Variants in PLEKHH1 observed in about 807,000 individuals in gnomAD.
PLEKHH1 encodes pleckstrin homology, MyTH4 and FERM domain containing H1.
Under a neutral mutation model 160.0 loss-of-function variants are expected in PLEKHH1, and 104 were observed. The ratio of observed to expected loss-of-function variants is 0.65; its 90% CI spans 0.55 to 0.76. The LOEUF is 0.76. Among genes scored for constraint, PLEKHH1 ranks in the 30% least tolerant of loss-of-function variants. The probability of loss-of-function intolerance (pLI) is 0.00; values close to 1 mark genes in which losing one functional copy is unlikely to be tolerated. For missense variants in PLEKHH1, 1,427 were observed against 1,724.1 expected, an observed-to-expected ratio of 0.83 and a Z score of 3.05; for synonymous variants, 619 against 678.4, an observed-to-expected ratio of 0.91 and a Z score of 1.36.
chr14:67,572,401 G>C (rs1486295704), intron 11 of PLEKHH1, 124 bp downstream of exon 11: 1 of 666,398 alleles, frequency 1.5e-6, no homozygotes, highest in Non-Finnish European at 2.4e-6. Context: ...GGGGGATGGG[G>C]GCAGGGGGCG....
Position 67,589,479 on chromosome 14 carries a change from T to C in PLEKHH1, c.*2244T>C, listed in dbSNP as rs1195288737. ...AAAAGTATTAATGTGCTTGACACCA[T>C]GACTGAAATACTATGATCTTGTTTG... is the stretch of plus-strand genomic sequence containing the variant. On this transcript the variant is annotated 3_prime_UTR_variant, in exon 29 of 29. Transcript: ENST00000329153. 1 of 985,138 alleles carries C rather than the reference T, an allele frequency of 1.0e-6. No individual in the cohort carries two copies. The highest frequency in any genetic ancestry group is 1.2e-6 in the Non-Finnish European group (1 of 829,624). 61.0% of individuals were successfully genotyped at this position (985,138 alleles called of 1,614,324 possible). A position where few individuals can be genotyped will look rare whatever the true frequency, so the allele number is the denominator to read the frequency against.
At chr14:67,577,204 C>A in intron 17 of PLEKHH1, 98 bp from the exon 18 acceptor site, 1 of 791,128 alleles carries the variant, frequency 1.3e-6, no homozygotes, top group Non-Finnish European at 2.1e-6. Context: ...GGAAGATAAA[C>A]CACTATCTTC....
chr14:67,577,910 G>C, intron 18 of PLEKHH1, 113 bp from the exon 19 acceptor site: 1 of 888,514 alleles, frequency 1.1e-6, no homozygotes, highest in Non-Finnish European at 1.7e-6. Context: ...CTCTTAGAAA[G>C]GGCTGTCAGT....
rs756666973 is a variant in PLEKHH1, at chr14:67,587,051, T to C, written c.3934-23T>C. On this transcript the variant is annotated intron_variant, in intron 28 of 28. Transcript: ENST00000329153. The stretch of plus-strand genomic sequence containing the variant: ...TCAAGCCAAGGCTAGTTCAATTCCT[T>C]CACATCTCTGACCTCCTCTTAGATT... 3.8e-6 allele frequency: 6 copies of C among 1,563,910 alleles called. No homozygotes were observed. The African/African-American group carries it at 4.1e-5, about 11-fold the overall frequency.
At chr14:67,537,698 T>C (rs939926894) in intron 1 of PLEKHH1, among the ~76,000 whole-genome samples, 20 of 152,168 alleles carry the variant, frequency 1.3e-4, no homozygotes, top group Admixed American at 2.0e-4. Flanking sequence ...TCTTAGCATT[T>C]TGTCAGTTTC....
At chr14:67,558,463 T>C (rs960161719) in intron 4 of PLEKHH1, among the ~76,000 whole-genome samples, 1 of 152,184 alleles carries the variant, frequency 6.6e-6, no homozygotes, top group Non-Finnish European at 1.5e-5. Flanking sequence ...TTTTGACACA[T>C]GGAATCTCTG....
At chr14:67,563,903 GTT>G (rs71129836) in intron 7 of PLEKHH1, among the ~76,000 whole-genome samples, 53 of 135,460 alleles carry the variant, frequency 3.9e-4, no homozygotes, top group Middle Eastern at 3.6e-3. Context: ...CCGGCTAACT[GTT>G]TTTTTTTTTT....
At position 67,571,709 on chromosome 14, in the gene PLEKHH1, T is replaced by C. The variant is rs186544305; in HGVS notation, c.1435-43T>C. On this transcript the variant is annotated intron_variant, in intron 9 of 28. Transcript: ENST00000329153. ...AAGCTGCAGGGTTGGGAGAGGACTG[T>C]TTTGCAGCCTGAGCTGCAGTGAGGG... The C allele has an allele frequency of 2.5e-4, 401 of 1,596,334 alleles. 3 individuals carry two copies. In the East Asian group the frequency reaches 8.6e-3, roughly 34 times the overall value.
intron 26 of PLEKHH1, 35 bp from the exon 27 acceptor site, chr14:67,585,533 T>C (rs562801577): frequency 7.3e-7 from 1 of 1,375,892 alleles, no homozygotes; most frequent in East Asian, 2.5e-5. Context: ...TCTCTAACTA[T>C]GGATATATCT....
At chr14:67,570,735 A>T (rs1318078602) in intron 9 of PLEKHH1, 1 of 150,392 alleles carries the variant, frequency 6.6e-6, no homozygotes, top group Non-Finnish European at 1.5e-5. Context: ...CCTCCTTTTT[A>T]TTTTTCCGAG....
At position 67,581,981 on chromosome 14, in the gene PLEKHH1, T is replaced by C. The variant is rs926018344; in HGVS notation, c.3285-88T>C. On this transcript the variant is annotated intron_variant, in intron 23 of 28. Coordinates refer to ENST00000329153, the MANE Select transcript of PLEKHH1 (RefSeq NM_020715.3). ...AGTGGGAAAAGAGTACTTTATCTTT[T>C]TGGAAATAAAGGTAACAGACCCAGA... 4.6e-6 allele frequency: 6 copies of C among 1,308,828 alleles called. No homozygotes were observed. In the Admixed American group the frequency reaches 7.0e-5, roughly 15 times the overall value. 81.1% of individuals were successfully genotyped at this position (1,308,828 alleles called of 1,614,324 possible).
rs543975791 is a variant in PLEKHH1 at position 67,553,466 on chromosome 14, A to T, written c.127-2359A>T. On this transcript the variant is annotated intron_variant, in intron 2 of 28. Transcript: ENST00000329153. ...TGGGGCAGCTCACAGAACTGAAGGA[A>T]CTATCCAGCAATCATGACTTGGTGA... 1.2e-4 allele frequency among the ~76,000 whole-genome samples: 19 copies of T among 152,280 alleles called. 1 individual carries two copies. The South Asian group carries it at 3.5e-3, about 28-fold the overall frequency.
Position 67,587,467 on chromosome 14 carries a change from TAAG to T in PLEKHH1, c.*235_*237del. ...TTAAAACCATTTATTCCTTTTTTCATAAGAATAATGACTCCAGATGCTACCTGA... is the reference window on the plus strand; with the variant it reads ...TTAAAACCATTTATTCCTTTTTTCATAATAATGACTCCAGATGCTACCTGA... On this transcript the variant is annotated 3_prime_UTR_variant, in exon 29 of 29. Coordinates refer to ENST00000329153, the MANE Select transcript of PLEKHH1 (RefSeq NM_020715.3). 1 of 565,558 alleles carries T rather than the reference TAAG, an allele frequency of 1.8e-6. No individual in the cohort carries two copies. Among genetic ancestry groups the T allele is most frequent in the Non-Finnish European group, 3.1e-6 (1 of 317,534 alleles). 35.0% of individuals were successfully genotyped at this position (565,558 alleles called of 1,614,324 possible). A position where few individuals can be genotyped will look rare whatever the true frequency, so the allele number is the denominator to read the frequency against.
rs913325643 is a variant in PLEKHH1, at chr14:67,588,780, T to TATC, written c.*1546_*1548dup. ...AAGCCTTTAACCCCAACAATGTGTG[T>TATC]ATCTTTTGCACAGCAAAAACTGCGA... On this transcript the variant is annotated 3_prime_UTR_variant, in exon 29 of 29. Coordinates refer to ENST00000329153, the MANE Select transcript of PLEKHH1 (RefSeq NM_020715.3). 1 of 152,622 alleles carries TATC rather than the reference T, an allele frequency of 6.6e-6. No individual in the cohort carries two copies. Among genetic ancestry groups the TATC allele is most frequent in the Non-Finnish European group, 1.5e-5 (1 of 68,040 alleles). 9.5% of individuals were successfully genotyped at this position (152,622 alleles called of 1,614,324 possible). A position where few individuals can be genotyped will look rare whatever the true frequency, so the allele number is the denominator to read the frequency against.
At position 67,582,156 on chromosome 14, in the gene PLEKHH1, G is replaced by A. The variant is rs767716007; in HGVS notation, c.3372G>A (p.Gly1124=). 72 of 1,613,558 alleles carry A rather than the reference G, an allele frequency of 4.5e-5. No individual in the cohort carries two copies. Among genetic ancestry groups the A allele is most frequent in the Non-Finnish European group, 6.0e-5 (71 of 1,179,794 alleles). Residue 1124 remains glycine, a synonymous_variant, in exon 24 of 29, where the codon GGG becomes GGA. Coordinates refer to ENST00000329153, the MANE Select transcript of PLEKHH1 (RefSeq NM_020715.3). This position sits in a 1 kb window ranked among gnomAD's most constrained non-coding sequence, Gnocchi z 5.0. ...AAACCAGTAGAGAGATAGTGGCAGGGAGGTTTCCTATCAACAAGGAATTGG... is the reference window on the plus strand; with the variant it reads ...AAACCAGTAGAGAGATAGTGGCAGGAAGGTTTCCTATCAACAAGGAATTGG... ...ASQTSREIVA[G]RFPINKELAL...
At chr14:67,579,073 G>T in intron 20 of PLEKHH1, 61 bp from the exon 21 acceptor site, 1 of 1,211,136 alleles carries the variant, frequency 8.3e-7, no homozygotes, top group Non-Finnish European at 1.2e-6. Context: ...ATAGGGATCC[G>T]GGGTGCCAAA....
rs75767569 is a variant in PLEKHH1 at position 67,549,969 on chromosome 14, G to A, written c.127-5856G>A. On this transcript the variant is annotated intron_variant, in intron 2 of 28. Coordinates refer to ENST00000329153, the MANE Select transcript of PLEKHH1 (RefSeq NM_020715.3). ...CTAACCTCTGCCATGGCCTTACCCCGGGCCCCATTCACCTGTCTTTCTAGT... is the reference window on the plus strand; with the variant it reads ...CTAACCTCTGCCATGGCCTTACCCCAGGCCCCATTCACCTGTCTTTCTAGT... Among the ~76,000 whole-genome samples, 321 of 152,178 alleles carry A rather than the reference G, an allele frequency of 2.1e-3. 1 individual carries two copies. Among genetic ancestry groups the A allele is most frequent in the Middle Eastern group, 0.017 (5 of 294 alleles).
chr14:67,554,764 A>G (rs2034528194), intron 2 of PLEKHH1, among the ~76,000 whole-genome samples: 1 of 152,174 alleles, frequency 6.6e-6, no homozygotes, highest in African/African-American at 2.4e-5. Context: ...GCAGCTCTTT[A>G]GTCTTCAGCT....
intron 7 of PLEKHH1, among the ~76,000 whole-genome samples, chr14:67,566,002 C>T (rs1187173038): frequency 2.0e-5 from 3 of 152,122 alleles, no homozygotes; most frequent in African/African-American, 7.2e-5. Flanking sequence ...CGCCTATAGT[C>T]TGGCTGCTCG....
Sources: gnomAD v4.1 joint callset for allele counts (sites outside exome capture counted in the v4.1 genomes callset) on GRCh38, gnomAD v4.1.1 for gene constraint, Gnocchi (gnomAD v3.1) non-coding constraint, MANE v1.5 for transcripts, NCBI Gene and HGNC (gene_info 2026-07-23, HGNC 2026-07-21) for gene names.